SUN5: variants seen among roughly 807,000 people sequenced by gnomAD.
SUN5 encodes Sad1 and UNC84 domain containing 5.
A neutral mutation model predicts 53.7 loss-of-function variants in SUN5; 44 were observed. That is an observed-to-expected ratio of 0.82 (90% CI 0.64 to 1.05). SUN5 has a LOEUF of 1.05. Among genes scored for constraint, SUN5 ranks in the 50% least tolerant of loss-of-function variants. The pLI, the probability that SUN5 is intolerant of heterozygous loss-of-function variation, is 0.00. For missense variants in SUN5, 433 were observed against 483.8 expected, an observed-to-expected ratio of 0.90 and a Z score of 0.98; for synonymous variants, 166 against 179.8, an observed-to-expected ratio of 0.92 and a Z score of 0.62.
intron 6 of SUN5, 72 bp from the exon 7 acceptor site, chr20:32,996,430 T>C: frequency 7.3e-7 from 1 of 1,377,476 alleles, no homozygotes; most frequent in South Asian, 1.2e-5. Flanking sequence ...ACTTCATCCA[T>C]CTATTCTCCC....
intron 8 of SUN5, among the ~76,000 whole-genome samples, chr20:32,993,866 T>A (rs1398710726): frequency 3.9e-5 from 6 of 152,228 alleles, no homozygotes. Flanking sequence ...ACGTGGGCCG[T>A]GGGCCGTACT....
intron 10 of SUN5, among the ~76,000 whole-genome samples, chr20:32,987,450 C>A (rs2146324021): frequency 6.6e-6 from 1 of 151,856 alleles, no homozygotes; most frequent in East Asian, 1.9e-4. Flanking sequence ...CCTCCTGCCC[C>A]CGCCTTCTCC....
intron 8 of SUN5, among the ~76,000 whole-genome samples, chr20:32,994,568 A>C (rs1989791238): frequency 7.0e-6 from 1 of 142,312 alleles, no homozygotes; most frequent in Non-Finnish European, 1.5e-5. Context: ...AAAAAAATCA[A>C]ATGTATATCC....
intron 8 of SUN5, among the ~76,000 whole-genome samples, chr20:32,994,627 A>T (rs1989792954): frequency 6.6e-6 from 1 of 152,226 alleles, no homozygotes; most frequent in Non-Finnish European, 1.5e-5. Flanking sequence ...GGCTGGATGC[A>T]GTGGCTCACG....
chr20:32,997,002 A>G (rs1989869203), intron 6 of SUN5, among the ~76,000 whole-genome samples: 1 of 152,242 alleles, frequency 6.6e-6, no homozygotes, highest in Non-Finnish European at 1.5e-5. Context: ...AGAAGCTGCC[A>G]GTACAGTTGG....
intron 9 of SUN5, 89 bp from the exon 10 acceptor site, chr20:32,987,864 C>A (rs995617281): frequency 1.9e-6 from 2 of 1,053,118 alleles, no homozygotes; most frequent in East Asian, 2.6e-5. Context: ...ATGTGCCGGG[C>A]GAGCATTTTG....
intron 7 of SUN5, 116 bp downstream of exon 7, chr20:32,996,208 T>A (rs1214408505): frequency 9.3e-7 from 1 of 1,071,066 alleles, no homozygotes; most frequent in African/African-American, 1.6e-5. Context: ...GGAGTTAGGA[T>A]TTAAACCCAG....
chr20:32,983,777 G>A lies in SUN5; in HGVS notation c.*17C>T, dbSNP rs762026146. 4.1e-6 allele frequency: 6 copies of A among 1,454,694 alleles called. No individual in the cohort carries two copies. Among genetic ancestry groups the A allele is most frequent in the South Asian group, 3.2e-5 (2 of 63,298 alleles). The allele number at this position is 1,454,694 out of a possible 1,614,324, so 90.1% of individuals were successfully genotyped here. On this transcript the variant is annotated 3_prime_UTR_variant, in exon 13 of 13. Transcript: ENST00000356173. ...CCAAAAGACACTCAGACTTGGTCTGGGGGTAAAGAATAAATTTTAATCTCT... is the reference window on the plus strand; with the variant it reads ...CCAAAAGACACTCAGACTTGGTCTGAGGGTAAAGAATAAATTTTAATCTCT...
intron 4 of SUN5, 57 bp from the exon 5 acceptor site, chr20:33,000,192 ACCCTCCTC>A: frequency 1.3e-6 from 2 of 1,541,408 alleles, no homozygotes; most frequent in Admixed American, 4.1e-5. Context: ...CCAAGTGTTC[ACCCTCCTC>A]CTCGTCACTC....
chr20:33,001,519 C>CTTTCTTTCTTTCTTTTCT (rs68051515), intron 3 of SUN5, among the ~76,000 whole-genome samples: 22 of 121,396 alleles, frequency 1.8e-4, no homozygotes, highest in Non-Finnish European at 2.7e-4. Context: ...TTCTTTCTTT[C>CTTTCTTTCTTTCTTTTCT]TTCTTTCTTT....
At chr20:32,996,511 T>C (rs1989851677) in intron 6 of SUN5, among the ~76,000 whole-genome samples, 153 bp from the exon 7 acceptor site, 1 of 152,166 alleles carries the variant, frequency 6.6e-6, no homozygotes. Context: ...CTATCATTTC[T>C]CCAAACTCTA....
chr20:32,984,102 C>T (rs545059929), intron 12 of SUN5, among the ~76,000 whole-genome samples, 153 bp from the exon 13 acceptor site: 88 of 152,244 alleles, frequency 5.8e-4, no homozygotes, highest in Middle Eastern at 6.8e-3. Context: ...CACAGCAAGT[C>T]GATATTCAGG....
In SUN5 at chr20:32,989,698, G is replaced by T; in HGVS notation, c.535C>A (p.Gln179Lys). The change falls in exon 9 of 13, where the codon CAA (glutamine) becomes AAA (lysine). Residue 179 changes from glutamine to lysine, a missense_variant and splice_region_variant. Gln to Lys is a moderately conservative substitution (Grantham distance 53). Transcript: ENST00000356173. ...TTCATTATTTTCTGGGCCATTTTTT[G>T]CTGAAAAGGCAGAAAACACAAGTTG... The part of the protein sequence containing the change: ...LQEMEAMSDE[Q>K]KMAQKIMKMI... 6.2e-7 allele frequency: 1 copy of T among 1,613,736 alleles called. No homozygotes were observed. The highest frequency in any genetic ancestry group is 1.3e-5 in the African/African-American group (1 of 74,944).
chr20:33,000,211 T>C, intron 4 of SUN5, 76 bp from the exon 5 acceptor site: 1 of 1,492,172 alleles, frequency 6.7e-7, no homozygotes, highest in South Asian at 1.3e-5. Flanking sequence ...CTCGTCACTC[T>C]CTTTCTCCGT....
At position 32,985,893 on chromosome 20, in the gene SUN5, G is replaced by A. The variant is rs1441042942; in HGVS notation, c.740C>T (p.Thr247Ile). 3 of 1,613,880 alleles carry A rather than the reference G, an allele frequency of 1.9e-6. No homozygotes were observed. The highest frequency in any genetic ancestry group is 2.7e-5 in the African/African-American group (2 of 75,044). Reference sequence around the variant, plus strand: ...CTCAAAGGCCCAGCAATTGCCAGGTGTCACGTTGGGCTAGAAGAGGCAAGT... The same window carrying A: ...CTCAAAGGCCCAGCAATTGCCAGGTATCACGTTGGGCTAGAAGAGGCAAGT... ...PPDVILEPNV[T>I]PGNCWAFEGD... is the part of the protein sequence containing the mutation. The change falls in exon 11 of 13, where the codon ACA (threonine) becomes ATA (isoleucine). Residue 247 changes from threonine to isoleucine, a missense_variant. By Grantham distance (89) the Thr-to-Ile change is moderately conservative (BLOSUM62 -1). Transcript: ENST00000356173.
At chr20:32,995,941 C>T (rs776330483) in intron 7 of SUN5, among the ~76,000 whole-genome samples, 17 of 152,154 alleles carry the variant, frequency 1.1e-4, no homozygotes, top group Non-Finnish European at 1.5e-4. Context: ...CCAGCTCATT[C>T]CTTCCAAATA....
intron 4 of SUN5, 58 bp downstream of exon 4, chr20:33,001,154 G>A: frequency 6.5e-7 from 1 of 1,532,922 alleles, no homozygotes; most frequent in Non-Finnish European, 8.8e-7. Context: ...GGGCTGTTAT[G>A]GTCCCCAGCT....
At chr20:33,000,034 G>T (rs376426912) in intron 5 of SUN5, 40 bp downstream of exon 5, 2 of 1,595,390 alleles carry the variant, frequency 1.3e-6, no homozygotes, top group African/African-American at 2.7e-5. Context: ...AGGGCCCAGG[G>T]ATACCTCCAC....
intron 6 of SUN5, 148 bp from the exon 7 acceptor site, chr20:32,996,506 A>G: frequency 1.6e-6 from 1 of 617,222 alleles, no homozygotes; most frequent in South Asian, 2.9e-5. Flanking sequence ...CCCACCTATC[A>G]TTTCTCCAAA....
Sources: allele counts gnomAD v4.1 joint callset (sites outside exome capture counted in the v4.1 genomes callset), GRCh38; gene constraint gnomAD v4.1.1; transcripts MANE v1.5; gene names NCBI Gene and HGNC (gene_info 2026-07-23, HGNC 2026-07-21).